The following NTNG1 variants were observed in gnomAD, a reference collection of about 807,000 sequenced individuals.
NTNG1 encodes netrin-G1.
In NTNG1, 16 loss-of-function variants were observed where a neutral mutation model predicts 54.0. The ratio of observed to expected loss-of-function variants is 0.30; its 90% CI spans 0.20 to 0.45. NTNG1 has a LOEUF of 0.45. Among genes scored for constraint, NTNG1 ranks in the 20% least tolerant of loss-of-function variants. The pLI, the probability that NTNG1 is intolerant of heterozygous loss-of-function variation, is 1.00. For synonymous variants in NTNG1, 255 were observed against 263.1 expected, an observed-to-expected ratio of 0.97 and a Z score of 0.30; for missense variants, 530 against 678.7, an observed-to-expected ratio of 0.78 and a Z score of 2.43.
chr1:107,225,991 T>C (rs1660649741), intron 2 of NTNG1, among the ~76,000 whole-genome samples: 1 of 152,092 alleles, frequency 6.6e-6, no homozygotes, highest in Non-Finnish European at 1.5e-5. Flanking sequence ...TTTGCAAACC[T>C]CACATTAATG....
chr1:107,460,617 C>CT (rs1049456962), intron 7 of NTNG1, among the ~76,000 whole-genome samples: 7 of 152,114 alleles, frequency 4.6e-5, no homozygotes, highest in South Asian at 2.1e-4. Context: ...TCGATAGCTT[C>CT]TTTTTTTTGA....
intron 7 of NTNG1, among the ~76,000 whole-genome samples, chr1:107,475,467 T>C (rs570666972): frequency 8.5e-5 from 13 of 152,248 alleles, no homozygotes; most frequent in Non-Finnish European, 1.5e-4. Context: ...GTGCTTTTTG[T>C]TCCTCTCACC....
chr1:107,186,107 A>G (rs906928454), intron 2 of NTNG1, among the ~76,000 whole-genome samples: 1 of 152,116 alleles, frequency 6.6e-6, no homozygotes, highest in Non-Finnish European at 1.5e-5. Flanking sequence ...ATAAGTGAGA[A>G]CATGTGGTGT....
At chr1:107,153,818 G>A (rs1001138417) in intron 2 of NTNG1, among the ~76,000 whole-genome samples, 4 of 152,184 alleles carry the variant, frequency 2.6e-5, no homozygotes, top group African/African-American at 9.7e-5. Context: ...ATTGGAAGGG[G>A]ACAACTGGAT....
chr1:107,262,397 A>G (rs1663415192), intron 2 of NTNG1, among the ~76,000 whole-genome samples: 1 of 152,228 alleles, frequency 6.6e-6, no homozygotes, highest in South Asian at 2.1e-4. Context: ...AAAATGTGTC[A>G]GGGAGACAAG....
intron 3 of NTNG1, among the ~76,000 whole-genome samples, chr1:107,342,391 G>A (rs1472722204): frequency 6.6e-6 from 1 of 151,968 alleles, no homozygotes; most frequent in Non-Finnish European, 1.5e-5. Flanking sequence ...AAATAAAACA[G>A]TAAACTATAA....
chr1:107,482,855 C>G lies in NTNG1; in HGVS notation c.*2015C>G, dbSNP rs1678811826. 6.6e-6 allele frequency: 1 copy of G among 152,198 alleles called. No individual in the cohort carries two copies. The highest frequency in any genetic ancestry group is 2.4e-5 in the African/African-American group (1 of 41,438). 9.4% of individuals were successfully genotyped at this position (152,198 alleles called of 1,614,324 possible). The stretch of plus-strand genomic sequence containing the variant: ...TTCGAAGAAGGCAATAAAAGGTAAA[C>G]AGGTAATGCCTGTGCTGCCTGCCAC... On this transcript the variant is annotated 3_prime_UTR_variant, in exon 8 of 8. Transcript: ENST00000370068.
intron 2 of NTNG1, among the ~76,000 whole-genome samples, chr1:107,192,946 T>C (rs115089408): frequency 0.011 from 1,643 of 152,186 alleles, 15 homozygotes; most frequent in Middle Eastern, 0.041. Context: ...TGTTTTCCTT[T>C]CAAATTCCAT....
chr1:107,226,156 T>C (rs1660661747), intron 2 of NTNG1, among the ~76,000 whole-genome samples: 2 of 152,150 alleles, frequency 1.3e-5, no homozygotes, highest in African/African-American at 2.4e-5. Flanking sequence ...CTAGTGTCAA[T>C]TGTGTAGCAA....
At chr1:107,455,597 A>G (rs1049099009) in intron 7 of NTNG1, 1 of 494,872 alleles carries the variant, frequency 2.0e-6, no homozygotes, top group African/African-American at 1.9e-5. Flanking sequence ...CAGGGCAACC[A>G]CAAAGTGACT....
At chr1:107,344,055 A>T (rs1327230762) in intron 3 of NTNG1, among the ~76,000 whole-genome samples, 1 of 152,124 alleles carries the variant, frequency 6.6e-6, no homozygotes, top group Non-Finnish European at 1.5e-5. Context: ...GAGTCTAGAA[A>T]AAAAAAAATC....
At chr1:107,457,926 A>G (rs181215844) in intron 7 of NTNG1, among the ~76,000 whole-genome samples, 122 of 152,240 alleles carry the variant, frequency 8.0e-4, no homozygotes, top group African/African-American at 2.6e-3. Context: ...CAGCTTCCTT[A>G]GTTAGAGATA....
At chr1:107,457,772 T>C (rs1677042384) in intron 7 of NTNG1, among the ~76,000 whole-genome samples, 1 of 152,186 alleles carries the variant, frequency 6.6e-6, no homozygotes, top group Non-Finnish European at 1.5e-5. Context: ...TGTGGGGATG[T>C]GTTTGCCTCC....
intron 7 of NTNG1, among the ~76,000 whole-genome samples, chr1:107,437,499 T>A (rs537296458): frequency 1.3e-5 from 2 of 152,322 alleles, no homozygotes; most frequent in East Asian, 3.9e-4. Flanking sequence ...CCGTCTTTTA[T>A]AACCTTTTCT....
At chr1:107,162,550 A>G (rs1489267343) in intron 2 of NTNG1, among the ~76,000 whole-genome samples, 1 of 152,180 alleles carries the variant, frequency 6.6e-6, no homozygotes, top group African/African-American at 2.4e-5. Flanking sequence ...AGCATCACCA[A>G]TAAATATTTA....
At chr1:107,330,365 T>C (rs1557905304) in intron 3 of NTNG1, among the ~76,000 whole-genome samples, 1 of 152,312 alleles carries the variant, frequency 6.6e-6, no homozygotes, top group East Asian at 1.9e-4. Flanking sequence ...CTGGTGTAAC[T>C]GTGCAGACTG....
At chr1:107,290,000 T>C (rs1316981534) in intron 2 of NTNG1, among the ~76,000 whole-genome samples, 1 of 152,196 alleles carries the variant, frequency 6.6e-6, no homozygotes, top group African/African-American at 2.4e-5. Flanking sequence ...CCTCAACATA[T>C]GAAAAAACCA....
At chr1:107,142,733 G>A (rs1309216910) in intron 1 of NTNG1, among the ~76,000 whole-genome samples, 1 of 147,740 alleles carries the variant, frequency 6.8e-6, no homozygotes, top group Admixed American at 6.7e-5. Context: ...GATATGCTTA[G>A]TAGTTAAGCT....
rs138764934 is a variant in NTNG1, at chr1:107,404,662, G to A, written c.1061-3020G>A. Among the ~76,000 whole-genome samples the A allele has an allele frequency of 2.6e-5, 4 of 151,086 alleles. No homozygotes were observed. In the East Asian group the frequency reaches 7.7e-4, roughly 29 times the overall value. The stretch of plus-strand genomic sequence containing the variant: ...ACAGGTGCAGAAGGGAACAAGACAT[G>A]GAACTTGTGCCCTCAGATCTGTCAG... On this transcript the variant is annotated intron_variant, in intron 4 of 7. Coordinates refer to ENST00000370068, the MANE Select transcript of NTNG1 (RefSeq NM_001113226.3).
Sources: allele counts gnomAD v4.1 joint callset (sites outside exome capture counted in the v4.1 genomes callset), GRCh38; gene constraint gnomAD v4.1.1; transcripts MANE v1.5; gene names NCBI Gene and HGNC (gene_info 2026-07-23, HGNC 2026-07-21).